IFT88: variants seen among roughly 807,000 people sequenced by gnomAD.
IFT88 encodes intraflagellar transport protein 88 homolog.
A neutral mutation model predicts 119.5 loss-of-function variants in IFT88; 74 were observed. The ratio of observed to expected loss-of-function variants is 0.62; its 90% CI spans 0.51 to 0.75. The LOEUF is 0.75. IFT88 is among the 30% of genes least tolerant of loss of function. IFT88 has a pLI of 0.00. For missense variants in IFT88, 961 were observed against 977.7 expected (o/e 0.98, Z 0.23); for synonymous variants, 279 against 316.7 (o/e 0.88, Z 1.26).
chr13:20,576,863 A>G (rs965318800), intron 2 of IFT88, among the ~76,000 whole-genome samples: 4 of 152,082 alleles, frequency 2.6e-5, no homozygotes, highest in African/African-American at 7.2e-5. Flanking sequence ...TTGTAGTTCT[A>G]TATAGACTTT....
At chr13:20,642,609 A>G (rs576941784) in intron 18 of IFT88, 3 of 152,318 alleles carry the variant, frequency 2.0e-5, no homozygotes, top group South Asian at 2.1e-4. Context: ...TCAAAAAAAA[A>G]TTAGTTTTAG....
chr13:20,611,806 G>A (rs1171873383), intron 13 of IFT88, among the ~76,000 whole-genome samples: 8 of 151,924 alleles, frequency 5.3e-5, no homozygotes, highest in Non-Finnish European at 1.0e-4. Context: ...AGGTTTCACC[G>A]TGTTGGCCAG....
chr13:20,685,265 G>A (rs1375499537), intron 24 of IFT88, among the ~76,000 whole-genome samples: 2 of 152,096 alleles, frequency 1.3e-5, no homozygotes, highest in Non-Finnish European at 2.9e-5. Flanking sequence ...GGGGGGCCAG[G>A]TTTTCCTTGC....
chr13:20,635,689 A>T (rs1405847937), intron 16 of IFT88, among the ~76,000 whole-genome samples: 1 of 152,150 alleles, frequency 6.6e-6, no homozygotes, highest in Non-Finnish European at 1.5e-5. Context: ...ACACATGGAC[A>T]CAGGGAGGAG....
intron 3 of IFT88, among the ~76,000 whole-genome samples, chr13:20,583,510 C>G (rs1006235285): frequency 6.6e-6 from 1 of 152,096 alleles, no homozygotes; most frequent in Admixed American, 6.5e-5. Context: ...TGTAGGAGTT[C>G]TCTATATATT....
intron 2 of IFT88, among the ~76,000 whole-genome samples, chr13:20,581,586 G>A (rs1274652367): frequency 6.6e-6 from 1 of 152,156 alleles, no homozygotes; most frequent in Non-Finnish European, 1.5e-5. Context: ...AATTTAGGCT[G>A]GGCACAGCGG....
intron 6 of IFT88, 67 bp from the exon 7 acceptor site, chr13:20,592,268 T>C: frequency 8.4e-7 from 1 of 1,195,058 alleles, no homozygotes; most frequent in Non-Finnish European, 1.2e-6. Flanking sequence ...CGAGGTTTTA[T>C]ATTTTCATAT....
chr13:20,685,592 C>T (rs532210380), intron 24 of IFT88, among the ~76,000 whole-genome samples: 163 of 152,300 alleles, frequency 1.1e-3, no homozygotes, highest in Non-Finnish European at 1.5e-3. Flanking sequence ...CGTACCCAGC[C>T]GGGCATGGTG....
At chr13:20,606,676 C>T (rs776677756) in intron 13 of IFT88, among the ~76,000 whole-genome samples, 2 of 152,218 alleles carry the variant, frequency 1.3e-5, no homozygotes, top group Non-Finnish European at 1.5e-5. Context: ...GTCAAAAGTT[C>T]GAGACCAGCC....
chr13:20,611,920 C>G (rs2044622272), intron 13 of IFT88, among the ~76,000 whole-genome samples: 1 of 152,184 alleles, frequency 6.6e-6, no homozygotes, highest in South Asian at 2.1e-4. Flanking sequence ...TTCACCAGTT[C>G]TGTTCATCAT....
intron 9 of IFT88, 33 bp from the exon 10 acceptor site, chr13:20,598,618 T>C: frequency 7.2e-7 from 1 of 1,383,414 alleles, no homozygotes; most frequent in South Asian, 1.2e-5. Flanking sequence ...AAAGTGGTCT[T>C]ATGTGTCTTT....
At chr13:20,681,557 A>G (rs912427364) in intron 24 of IFT88, among the ~76,000 whole-genome samples, 3 of 152,270 alleles carry the variant, frequency 2.0e-5, no homozygotes, top group Non-Finnish European at 2.9e-5. Flanking sequence ...AGCGTTAGAT[A>G]TTTCAGTAGC....
intron 1 of IFT88, among the ~76,000 whole-genome samples, chr13:20,570,038 C>CAA (rs71077721): frequency 1.5e-5 from 2 of 133,914 alleles, no homozygotes; most frequent in Non-Finnish European, 1.6e-5. Flanking sequence ...GATTCCGTCT[C>CAA]AAAAAAAAAA....
At chr13:20,665,473 T>G (rs570081541) in intron 23 of IFT88, among the ~76,000 whole-genome samples, 88 of 152,358 alleles carry the variant, frequency 5.8e-4, no homozygotes, top group African/African-American at 2.1e-3. Flanking sequence ...ATGCAATTTT[T>G]AAAAAATTCT....
chr13:20,625,328 A>G (rs2047138245), intron 14 of IFT88, among the ~76,000 whole-genome samples: 1 of 152,188 alleles, frequency 6.6e-6, no homozygotes, highest in African/African-American at 2.4e-5. Flanking sequence ...TAAACAGCAA[A>G]TATTTTGTGC....
intron 1 of IFT88, chr13:20,567,897 G>A (rs2035242464): frequency 3.1e-6 from 2 of 635,028 alleles, no homozygotes; most frequent in Non-Finnish European, 5.3e-6. Context: ...ACTGCAGTAG[G>A]CTTCTTGGAA....
chr13:20,614,239 A>G (rs367994493), intron 13 of IFT88: 94 of 152,372 alleles, frequency 6.2e-4, no homozygotes, highest in African/African-American at 2.1e-3. Flanking sequence ...GTAATTCACC[A>G]TACTAACAAA....
At chr13:20,591,534 T>C (rs1485850039) in intron 5 of IFT88, 84 bp from the exon 6 acceptor site, 1 of 931,034 alleles carries the variant, frequency 1.1e-6, no homozygotes, top group East Asian at 2.7e-5. Flanking sequence ...TAAATAGGGC[T>C]ATATTAAGGT....
intron 12 of IFT88, 40 bp from the exon 13 acceptor site, chr13:20,604,995 T>A: frequency 9.9e-7 from 1 of 1,013,996 alleles, no homozygotes; most frequent in Non-Finnish European, 1.5e-6. Flanking sequence ...TGCTGTTTAC[T>A]TCTGAATTAT....
Sources: gnomAD v4.1 joint callset for allele counts (sites outside exome capture counted in the v4.1 genomes callset) on GRCh38, gnomAD v4.1.1 for gene constraint, MANE v1.5 for transcripts, NCBI Gene and HGNC (gene_info 2026-07-23, HGNC 2026-07-21) for gene names.